Variants in AFG2A observed in about 807,000 individuals in gnomAD.
AFG2A encodes AAA ATPase AFG2A.
At chr4:123,058,498 G>A in the AFG2A span, among the ~76,000 whole-genome samples, 1 of 152,288 alleles carries the variant, frequency 6.6e-6, no homozygotes, top group African/African-American at 2.4e-5. Flanking sequence ...GGTGGTGGTT[G>A]CCTGTAATTC....
chr4:123,003,051 C>G, the AFG2A span, among the ~76,000 whole-genome samples: 8 of 152,160 alleles, frequency 5.3e-5, no homozygotes, highest in African/African-American at 1.9e-4. Flanking sequence ...TCATTTCATT[C>G]ATCTCATCTT....
At chr4:123,171,285 A>T in the AFG2A span, among the ~76,000 whole-genome samples, 3 of 152,140 alleles carry the variant, frequency 2.0e-5, no homozygotes, top group African/African-American at 7.2e-5. Flanking sequence ...CAACATTATG[A>T]CTGTTTTTGT....
chr4:123,002,017 G>C, the AFG2A span, among the ~76,000 whole-genome samples: 1 of 152,178 alleles, frequency 6.6e-6, no homozygotes, highest in Non-Finnish European at 1.5e-5. Context: ...ATTTAGGATA[G>C]TTAGCTCTTC....
At chr4:123,140,317 G>A in the AFG2A span, among the ~76,000 whole-genome samples, 1 of 152,010 alleles carries the variant, frequency 6.6e-6, no homozygotes, top group Admixed American at 6.5e-5. Context: ...GATGTACATA[G>A]CTTAATGGAT....
chr4:123,074,293 A>C, the AFG2A span, among the ~76,000 whole-genome samples: 7 of 151,754 alleles, frequency 4.6e-5, no homozygotes, highest in South Asian at 2.1e-4. Context: ...ACAGAGTTTC[A>C]GCTGTTGGCC....
At chr4:123,175,569 G>A in the AFG2A span, among the ~76,000 whole-genome samples, 1 of 152,216 alleles carries the variant, frequency 6.6e-6, no homozygotes, top group East Asian at 1.9e-4. Context: ...CAGCTGGTCT[G>A]AAGAGCAATG....
At chr4:123,256,741 C>T in the AFG2A span, 1 of 985,398 alleles carries the variant, frequency 1.0e-6, no homozygotes, top group African/African-American at 1.7e-5. Context: ...TGAAGATAAA[C>T]TCTTGACAAG....
the AFG2A span, among the ~76,000 whole-genome samples, chr4:123,232,720 GA>G: frequency 1.3e-5 from 2 of 152,022 alleles, no homozygotes; most frequent in South Asian, 2.1e-4. Flanking sequence ...AGAGCAAATA[GA>G]GAACTTGAAG....
chr4:123,263,688 A>G, the AFG2A span, among the ~76,000 whole-genome samples: 1 of 152,204 alleles, frequency 6.6e-6, no homozygotes, highest in African/African-American at 2.4e-5. Flanking sequence ...AAGAATAGCC[A>G]TAATCAAAAA....
the AFG2A span, among the ~76,000 whole-genome samples, chr4:123,149,432 A>G: frequency 6.6e-6 from 1 of 152,208 alleles, no homozygotes; most frequent in Non-Finnish European, 1.5e-5. Flanking sequence ...AGCTGTCTAT[A>G]ATAAAACAAA....
the AFG2A span, among the ~76,000 whole-genome samples, chr4:123,080,709 GACAACCCACCATGTTT>G: frequency 6.6e-6 from 1 of 151,644 alleles, no homozygotes; most frequent in Non-Finnish European, 1.5e-5. Flanking sequence ...TGTCCCACAG[GACAACCCACCATGTTT>G]ACAGTTAAAG....
the AFG2A span, among the ~76,000 whole-genome samples, chr4:123,187,035 C>G: frequency 6.6e-6 from 1 of 152,086 alleles, no homozygotes; most frequent in East Asian, 1.9e-4. Flanking sequence ...AGCCTAGATA[C>G]AAAGGGAAAG....
chr4:123,166,844 A>G, the AFG2A span, among the ~76,000 whole-genome samples: 2 of 152,186 alleles, frequency 1.3e-5, no homozygotes, highest in Non-Finnish European at 2.9e-5. Context: ...TAGTCCAGCT[A>G]TCATTAATCT....
At chr4:122,979,370 C>T in the AFG2A span, 1 of 1,613,942 alleles carries the variant, frequency 6.2e-7, no homozygotes, top group African/African-American at 1.3e-5. Context: ...AGGGAAATAG[C>T]AATTGATGTC....
At chr4:123,242,758 TTAATC>T in the AFG2A span, among the ~76,000 whole-genome samples, 1 of 152,134 alleles carries the variant, frequency 6.6e-6, no homozygotes, top group Non-Finnish European at 1.5e-5. Flanking sequence ...TGGGATCTAA[TTAATC>T]TAAAGAGCTT....
At chr4:123,054,673 G>C in the AFG2A span, among the ~76,000 whole-genome samples, 1 of 151,862 alleles carries the variant, frequency 6.6e-6, no homozygotes, top group Non-Finnish European at 1.5e-5. Context: ...AGCCGAGATA[G>C]CGCCACTGCA....
the AFG2A span, among the ~76,000 whole-genome samples, chr4:123,302,360 G>T: frequency 6.6e-6 from 1 of 152,080 alleles, no homozygotes; most frequent in Non-Finnish European, 1.5e-5. Flanking sequence ...CTATAGCTTG[G>T]ATATCAGCCC....
chr4:122,958,813 T>C, the AFG2A span, among the ~76,000 whole-genome samples: 1 of 152,194 alleles, frequency 6.6e-6, no homozygotes, highest in Non-Finnish European at 1.5e-5. Context: ...ACACATTCAC[T>C]CATGCTCACA....
the AFG2A span, among the ~76,000 whole-genome samples, chr4:122,962,636 A>G: frequency 3.3e-5 from 5 of 152,354 alleles, no homozygotes; most frequent in East Asian, 1.9e-4. Flanking sequence ...TGCCAAGACT[A>G]TAAAAATATA....
Sources: gnomAD v4.1 joint callset for allele counts (sites outside exome capture counted in the v4.1 genomes callset) on GRCh38, gnomAD v4.1.1 for gene constraint, MANE v1.5 for transcripts, NCBI Gene and HGNC (gene_info 2026-07-23, HGNC 2026-07-21) for gene names.